RHBDD1: variants seen among roughly 807,000 people sequenced by gnomAD.
RHBDD1 encodes the protein rhomboid domain containing 1, also known as rhomboid-related protein 4.
RHBDD1 carries 38 observed loss-of-function variants against 36.3 expected under a neutral mutation model. The ratio of observed to expected loss-of-function variants is 1.05; its 90% CI spans 0.81 to 1.37. The LOEUF is 1.37. RHBDD1 is among the 40% of genes most tolerant of loss of function. The pLI, the probability that RHBDD1 is intolerant of heterozygous loss-of-function variation, is 0.00. For missense variants in RHBDD1, 393 were observed against 377.6 expected (o/e 1.04, Z -0.34); for synonymous variants, 151 against 136.5 (o/e 1.11, Z -0.74).
chr2:226,878,271 A>G (rs759824189), intron 5 of RHBDD1, among the ~76,000 whole-genome samples: 17 of 151,140 alleles, frequency 1.1e-4, no homozygotes, highest in Non-Finnish European at 2.4e-4. Flanking sequence ...TTGCTGGTTA[A>G]GAACTGTGGA....
chr2:226,928,207 A>G (rs1196980405), intron 8 of RHBDD1, among the ~76,000 whole-genome samples: 1 of 152,036 alleles, frequency 6.6e-6, no homozygotes, highest in Admixed American at 6.6e-5. Flanking sequence ...CAGTTCTCCA[A>G]TGAATTGCCT....
At chr2:226,935,900 T>C (rs1426310901) in intron 8 of RHBDD1, among the ~76,000 whole-genome samples, 1 of 152,166 alleles carries the variant, frequency 6.6e-6, no homozygotes, top group Non-Finnish European at 1.5e-5. Flanking sequence ...TACAAGCCTT[T>C]ATTGGCCCAG....
At chr2:226,858,872 GTAT>G (rs1417795577) in intron 3 of RHBDD1, among the ~76,000 whole-genome samples, 1 of 152,124 alleles carries the variant, frequency 6.6e-6, no homozygotes, top group East Asian at 1.9e-4. Flanking sequence ...TGTCTAGTCT[GTAT>G]TATTACATAA....
the RHBDD1 span, among the ~76,000 whole-genome samples, chr2:226,826,092 C>A: frequency 1.3e-5 from 2 of 151,978 alleles, no homozygotes; most frequent in Non-Finnish European, 1.5e-5. Flanking sequence ...TGAGTTGTAA[C>A]AAAATCAAGG....
the RHBDD1 span, among the ~76,000 whole-genome samples, chr2:226,821,240 C>G: frequency 6.6e-6 from 1 of 152,198 alleles, no homozygotes; most frequent in Non-Finnish European, 1.5e-5. Flanking sequence ...AGTCCTTAGG[C>G]TAGAGCTGGG....
intron 8 of RHBDD1, among the ~76,000 whole-genome samples, chr2:226,944,408 G>C (rs928881575): frequency 5.3e-5 from 8 of 152,158 alleles, no homozygotes; most frequent in Non-Finnish European, 1.2e-4. Context: ...CACCAGGCTA[G>C]GGGGACACTG....
chr2:226,994,613 T>G, intron 8 of RHBDD1, among the ~76,000 whole-genome samples: 1 of 152,212 alleles, frequency 6.6e-6, no homozygotes, highest in East Asian at 1.9e-4. Flanking sequence ...CTTACCCGTA[T>G]CTATCAGTGA....
chr2:226,891,489 A>T (rs1946685897), intron 5 of RHBDD1, among the ~76,000 whole-genome samples: 1 of 152,230 alleles, frequency 6.6e-6, no homozygotes, highest in East Asian at 1.9e-4. Flanking sequence ...ACCTATGCTC[A>T]TTGGCAGAGG....
At chr2:226,974,277 G>T (rs950919359) in intron 8 of RHBDD1, among the ~76,000 whole-genome samples, 1 of 149,914 alleles carries the variant, frequency 6.7e-6, no homozygotes, top group African/African-American at 2.5e-5. Flanking sequence ...TCGCTCTGTC[G>T]CCCAGGCTGG....
At chr2:226,815,192 A>C in the RHBDD1 span, among the ~76,000 whole-genome samples, 2 of 152,202 alleles carry the variant, frequency 1.3e-5, no homozygotes, top group East Asian at 3.8e-4. Context: ...CTTTACCAAA[A>C]TCCAACCTAA....
chr2:226,885,123 G>A (rs766288585), intron 5 of RHBDD1, among the ~76,000 whole-genome samples: 3 of 151,940 alleles, frequency 2.0e-5, no homozygotes, highest in Non-Finnish European at 4.4e-5. Context: ...ATAACACTAG[G>A]TAACCAAAAA....
chr2:226,904,183 C>T (rs894526831), intron 5 of RHBDD1, among the ~76,000 whole-genome samples: 1 of 152,162 alleles, frequency 6.6e-6, no homozygotes, highest in African/African-American at 2.4e-5. Context: ...GCTGTCTAAC[C>T]CTTAAGCTGC....
At chr2:226,826,002 G>A in the RHBDD1 span, among the ~76,000 whole-genome samples, 20 of 152,136 alleles carry the variant, frequency 1.3e-4, no homozygotes, top group Admixed American at 1.1e-3. Flanking sequence ...AGCTAGTAGG[G>A]GTTACACTGC....
At chr2:226,979,766 C>T (rs1378119823) in intron 8 of RHBDD1, among the ~76,000 whole-genome samples, 1 of 152,224 alleles carries the variant, frequency 6.6e-6, no homozygotes, top group East Asian at 1.9e-4. Flanking sequence ...CTTTCAGAAA[C>T]ACCCAGGAGC....
chr2:226,978,655 A>G (rs915630436), intron 8 of RHBDD1, among the ~76,000 whole-genome samples: 4 of 152,232 alleles, frequency 2.6e-5, no homozygotes, highest in Non-Finnish European at 5.9e-5. Flanking sequence ...CATGGAGCTC[A>G]CAACGCAGTG....
At chr2:226,916,916 T>C (rs1169944998) in intron 8 of RHBDD1, among the ~76,000 whole-genome samples, 5 of 152,080 alleles carry the variant, frequency 3.3e-5, no homozygotes, top group African/African-American at 1.2e-4. Flanking sequence ...CTTCCCTCAG[T>C]AATTTGGGCT....
chr2:226,838,210 A>G (rs1941203363), intron 2 of RHBDD1, 56 bp downstream of exon 2: 1 of 152,198 alleles, frequency 6.6e-6, no homozygotes. Flanking sequence ...CGCTGCTCCC[A>G]AGGCTATACC....
At chr2:226,918,108 G>A (rs146528387) in intron 8 of RHBDD1, among the ~76,000 whole-genome samples, 1 of 152,062 alleles carries the variant, frequency 6.6e-6, no homozygotes, top group East Asian at 1.9e-4. Context: ...TAAGTGACCA[G>A]TGTGCATCTA....
chr2:226,839,447 AGC>A lies in RHBDD1; in HGVS notation c.-270_-269del. On this transcript the variant is annotated 5_prime_UTR_variant, in exon 3 of 9. An upstream open reading frame in the 5' UTR gains an earlier in-frame stop. Coordinates refer to ENST00000392062, the MANE Select transcript of RHBDD1 (RefSeq NM_001167608.3). ...CAGAATCTTACCTGTAAAACTCAGG[AGC>A]CGAGAAGCTTTAAGAACAGTGAGGT... The A allele has an allele frequency of 6.6e-6, 1 of 152,242 alleles. No homozygotes were observed. The highest frequency in any genetic ancestry group is 2.1e-4 in the South Asian group (1 of 4,806). The allele number at this position is 152,242 out of a possible 1,614,324, so 9.4% of individuals were successfully genotyped here. A position where few individuals can be genotyped will look rare whatever the true frequency, so the allele number is the denominator to read the frequency against.
Sources: gnomAD v4.1 joint callset for allele counts (sites outside exome capture counted in the v4.1 genomes callset) on GRCh38, gnomAD v4.1.1 for gene constraint, MANE v1.5 for transcripts, NCBI Gene and HGNC (gene_info 2026-07-23, HGNC 2026-07-21) for gene names.